The following PDSS2 variants were observed in gnomAD, a reference collection of about 807,000 sequenced individuals.
The protein encoded by PDSS2 is decaprenyl diphosphate synthase subunit 2, also known as all trans-polyprenyl-diphosphate synthase PDSS2.
In PDSS2, 31 loss-of-function variants were observed where a neutral mutation model predicts 44.5. The ratio of observed to expected loss-of-function variants is 0.70; its 90% confidence interval spans 0.52 to 0.94. PDSS2 has a LOEUF of 0.94. Among genes scored for constraint, PDSS2 ranks in the 40% least tolerant of loss-of-function variants. PDSS2 has a pLI of 0.00. For synonymous variants in PDSS2, 157 were observed against 180.3 expected (o/e 0.87, Z 1.03); for missense variants, 452 against 482.2 (o/e 0.94, Z 0.59).
intron 1 of PDSS2, among the ~76,000 whole-genome samples, chr6:107,423,409 T>C (rs1359988847): frequency 6.6e-6 from 1 of 152,188 alleles, no homozygotes; most frequent in Non-Finnish European, 1.5e-5. Context: ...TAATTTCCTT[T>C]TTACATTGGT....
intron 1 of PDSS2, among the ~76,000 whole-genome samples, chr6:107,405,772 G>C (rs1201029205): frequency 6.6e-6 from 1 of 150,946 alleles, no homozygotes; most frequent in Non-Finnish European, 1.5e-5. Context: ...GCATGAACCC[G>C]GGAGGCGGAG....
intron 1 of PDSS2, among the ~76,000 whole-genome samples, chr6:107,427,369 T>C (rs1781038207): frequency 6.6e-6 from 1 of 152,196 alleles, no homozygotes; most frequent in Non-Finnish European, 1.5e-5. Context: ...ATTACATCTT[T>C]TTTTCTTCCC....
chr6:107,176,244 G>A (rs1771779829), intron 7 of PDSS2, among the ~76,000 whole-genome samples: 1 of 152,080 alleles, frequency 6.6e-6, no homozygotes, highest in Non-Finnish European at 1.5e-5. Context: ...GTTTCACCAT[G>A]TTGGCCAGGC....
At chr6:107,454,799 T>TA (rs769633198) in intron 1 of PDSS2, among the ~76,000 whole-genome samples, 1 of 151,142 alleles carries the variant, frequency 6.6e-6, no homozygotes, top group Non-Finnish European at 1.5e-5. Context: ...AAAATAAAAA[T>TA]AAAAAAACAA....
Position 107,210,441 on chromosome 6 carries a change from C to T in PDSS2, c.1006G>A (p.Glu336Lys), listed in dbSNP as rs373085431. The change falls in exon 6 of 8, where the codon GAG becomes AAG. Residue 336 changes from glutamate (E) to lysine (K), a missense_variant and splice_region_variant. Glu to Lys is a moderately conservative substitution (Grantham distance 56, BLOSUM62 1). Transcript: ENST00000369037. ...GRDLWIKQIG[E>K]AQEKGRLDYA... is the part of the protein sequence containing the mutation. The stretch of plus-strand genomic sequence containing the variant: ...AAACAGGAGTAATTTCATTTTACCT[C>T]TCCGATCTGTTTAATCCACAAATCT... The T allele has an allele frequency of 4.0e-5, 64 of 1,605,950 alleles. No individual in the cohort carries two copies. The highest frequency in any genetic ancestry group is 5.1e-5 in the Non-Finnish European group (60 of 1,173,332).
At chr6:107,242,584 C>T (rs1582836264) in intron 4 of PDSS2, among the ~76,000 whole-genome samples, 1 of 152,122 alleles carries the variant, frequency 6.6e-6, no homozygotes, top group Non-Finnish European at 1.5e-5. Context: ...TTGCTGTCAC[C>T]CAGGCTGGAG....
At chr6:107,334,709 TAA>T (rs55678823) in intron 1 of PDSS2, among the ~76,000 whole-genome samples, 14 of 119,122 alleles carry the variant, frequency 1.2e-4, no homozygotes, top group Admixed American at 3.4e-4. Context: ...CTCAGCTAAT[TAA>T]AAAAAAAAAA....
intron 3 of PDSS2, chr6:107,264,379 T>A (rs1282134899): frequency 1.3e-6 from 2 of 1,542,140 alleles, no homozygotes; most frequent in East Asian, 2.5e-5. Context: ...TCCGGAAGTA[T>A]AAATCACTAA....
chr6:107,245,189 G>A (rs1374382685), intron 4 of PDSS2, among the ~76,000 whole-genome samples: 4 of 151,954 alleles, frequency 2.6e-5, no homozygotes, highest in Non-Finnish European at 5.9e-5. Context: ...GACACGGAAG[G>A]ACCCTTCCTC....
chr6:107,301,241 G>A (rs898698119), intron 2 of PDSS2, among the ~76,000 whole-genome samples: 8 of 152,122 alleles, frequency 5.3e-5, no homozygotes, highest in Admixed American at 2.0e-4. Flanking sequence ...CATTTCTATA[G>A]TTTTTGTGGA....
intron 2 of PDSS2, among the ~76,000 whole-genome samples, chr6:107,331,288 G>A (rs1359954552): frequency 1.3e-5 from 2 of 152,026 alleles, no homozygotes; most frequent in Non-Finnish European, 2.9e-5. Flanking sequence ...TAACAAGTGT[G>A]TAAAACACCC....
intron 6 of PDSS2, among the ~76,000 whole-genome samples, chr6:107,203,647 T>C (rs1036367658): frequency 6.6e-6 from 1 of 152,194 alleles, no homozygotes; most frequent in Non-Finnish European, 1.5e-5. Context: ...TTTAAAAATT[T>C]AGGTAAAATT....
intron 1 of PDSS2, among the ~76,000 whole-genome samples, chr6:107,353,572 T>C (rs1243514413): frequency 6.6e-6 from 1 of 152,058 alleles, no homozygotes; most frequent in Non-Finnish European, 1.5e-5. Flanking sequence ...TAATTATATG[T>C]TACCTCTTCA....
chr6:107,157,456 C>A (rs1356968133), intron 7 of PDSS2, among the ~76,000 whole-genome samples: 4 of 151,288 alleles, frequency 2.6e-5, no homozygotes, highest in African/African-American at 9.7e-5. Context: ...AAACCTTCTC[C>A]CCTTTAATTA....
intron 3 of PDSS2, among the ~76,000 whole-genome samples, chr6:107,246,578 T>A (rs1164906734): frequency 2.0e-5 from 3 of 152,220 alleles, no homozygotes; most frequent in Admixed American, 2.0e-4. Flanking sequence ...TTCTTGTAAT[T>A]GAAGACATTA....
chr6:107,367,612 C>T (rs1287176816), intron 1 of PDSS2, among the ~76,000 whole-genome samples: 1 of 151,874 alleles, frequency 6.6e-6, no homozygotes, highest in Non-Finnish European at 1.5e-5. Context: ...GGCAAAACCC[C>T]TTCTCTACTA....
intron 1 of PDSS2, among the ~76,000 whole-genome samples, chr6:107,388,612 C>A (rs1034516100): frequency 1.3e-5 from 2 of 152,152 alleles, no homozygotes; most frequent in Non-Finnish European, 2.9e-5. Context: ...GCGCCCGCCA[C>A]CACGGCTGGC....
chr6:107,212,045 AG>A lies in PDSS2; in HGVS notation c.876+63del, dbSNP rs1773235726. 5 of 1,367,998 alleles carry A rather than the reference AG, an allele frequency of 3.7e-6. No individual in the cohort carries two copies. The South Asian group carries it at 5.9e-5, about 16-fold the overall frequency. The allele number at this position is 1,367,998 out of a possible 1,614,324, so 84.7% of individuals were successfully genotyped here. On this transcript the variant is annotated intron_variant, in intron 5 of 7. Transcript: ENST00000369037. ...TAAAAGAAGCTTATTAAATGGCAAA[AG>A]GTTTCTTGTGTGTCGTTTTAGCTAT...
intron 2 of PDSS2, among the ~76,000 whole-genome samples, chr6:107,288,083 A>C (rs1359658047): frequency 1.3e-5 from 2 of 151,120 alleles, no homozygotes; most frequent in African/African-American, 2.4e-5. Flanking sequence ...TCCTGGCCTG[A>C]AGCAATCCTC....
Sources: gnomAD v4.1 joint callset for allele counts (sites outside exome capture counted in the v4.1 genomes callset) on GRCh38, gnomAD v4.1.1 for gene constraint, MANE v1.5 for transcripts, NCBI Gene and HGNC (gene_info 2026-07-23, HGNC 2026-07-21) for gene names.